The following TXNDC16 variants were observed in gnomAD, a reference collection of about 807,000 sequenced individuals.
TXNDC16 encodes the protein thioredoxin domain-containing protein 16.
TXNDC16 carries 74 observed loss-of-function variants against 85.6 expected under a neutral mutation model. The ratio of observed to expected loss-of-function variants is 0.86; its 90% CI spans 0.72 to 1.05. The LOEUF (loss-of-function observed/expected upper bound fraction) is 1.05, where lower values mean the gene tolerates loss of function less well. TXNDC16 is among the 50% of genes least tolerant of loss of function. The pLI is 0.00. For synonymous variants in TXNDC16, 335 were observed against 326.5 expected (o/e 1.03, Z -0.28); for missense variants, 959 against 947.0 (o/e 1.01, Z -0.17).
intron 12 of TXNDC16, among the ~76,000 whole-genome samples, chr14:52,485,156 AAG>A (rs1175073745): frequency 6.6e-6 from 1 of 152,186 alleles, no homozygotes; most frequent in Non-Finnish European, 1.5e-5. Context: ...GTGGAAGTGG[AAG>A]AGAGTAATAT....
chr14:52,536,465 T>C (rs1031996039), intron 6 of TXNDC16, among the ~76,000 whole-genome samples: 1 of 152,230 alleles, frequency 6.6e-6, no homozygotes, highest in Non-Finnish European at 1.5e-5. Flanking sequence ...CTCCTCCAGT[T>C]AGACCTCACT....
At chr14:52,436,932 T>TA (rs2035042538) in intron 20 of TXNDC16, among the ~76,000 whole-genome samples, 1 of 152,194 alleles carries the variant, frequency 6.6e-6, no homozygotes, top group East Asian at 1.9e-4. Context: ...GACCATCTAG[T>TA]ATCTAATAAA....
intron 11 of TXNDC16, among the ~76,000 whole-genome samples, chr14:52,489,674 A>T (rs867673017): frequency 3.9e-5 from 6 of 152,190 alleles, no homozygotes; most frequent in African/African-American, 1.4e-4. Context: ...AGTTTGATGG[A>T]TTTTTACAAA....
chr14:52,477,083 T>G (rs1252867284), intron 14 of TXNDC16, among the ~76,000 whole-genome samples: 1 of 152,158 alleles, frequency 6.6e-6, no homozygotes, highest in African/African-American at 2.4e-5. Flanking sequence ...CTAAGCTTCC[T>G]AAGTGGAGGA....
At chr14:52,542,911 G>C (rs1338441231) in intron 3 of TXNDC16, among the ~76,000 whole-genome samples, 2 of 151,992 alleles carry the variant, frequency 1.3e-5, no homozygotes, top group Non-Finnish European at 2.9e-5. Flanking sequence ...ACTTGAATTT[G>C]ACTATTAAAA....
intron 9 of TXNDC16, among the ~76,000 whole-genome samples, chr14:52,509,161 A>C (rs2036892611): frequency 6.6e-6 from 1 of 152,074 alleles, no homozygotes; most frequent in Non-Finnish European, 1.5e-5. Flanking sequence ...AAGAGTTTTG[A>C]AATACAGCAA....
At chr14:52,535,216 CTTGGACTT>C (rs1444221157) in intron 6 of TXNDC16, among the ~76,000 whole-genome samples, 1 of 152,108 alleles carries the variant, frequency 6.6e-6, no homozygotes, top group East Asian at 1.9e-4. Flanking sequence ...ATATCTATTA[CTTGGACTT>C]TTTGCTAAGC....
chr14:52,472,752 G>C (rs971314113), intron 14 of TXNDC16, among the ~76,000 whole-genome samples: 1 of 152,058 alleles, frequency 6.6e-6, no homozygotes, highest in Non-Finnish European at 1.5e-5. Context: ...TTTGATATAG[G>C]AGTGAAGAAG....
intron 18 of TXNDC16, among the ~76,000 whole-genome samples, chr14:52,443,740 A>G (rs965423382): frequency 2.0e-5 from 3 of 152,204 alleles, no homozygotes; most frequent in African/African-American, 4.8e-5. Flanking sequence ...TCTGTATCAG[A>G]TTGGTGACAC....
chr14:52,508,983 C>A lies in TXNDC16; in HGVS notation c.756+2257G>T, dbSNP rs974116824. On this transcript the variant is annotated intron_variant, in intron 9 of 20. Coordinates refer to ENST00000281741, the MANE Select transcript of TXNDC16 (RefSeq NM_020784.3). ...TGACGAGTTAATGGGTGCAGCACAC[C>A]AACATGGCACATGTATATATATGTA... Among the ~76,000 whole-genome samples the A allele has an allele frequency of 3.3e-3, 507 of 151,826 alleles. 2 individuals are homozygous for A. Among genetic ancestry groups the A allele is most frequent in the African/African-American group, 0.012 (491 of 41,314 alleles).
chr14:52,440,729 C>G lies in TXNDC16; in HGVS notation c.1843-5G>C. On this transcript the variant is annotated splice_region_variant and splice_polypyrimidine_tract_variant and intron_variant, in intron 18 of 20. Coordinates refer to ENST00000281741, the MANE Select transcript of TXNDC16 (RefSeq NM_020784.3). ...ATTTTCCACAGTGATTTCCGGCTGT[C>G]AAAGAAAAGGAATAACAACAATAAA... The G allele has an allele frequency of 6.2e-7, 1 of 1,601,630 alleles. No homozygotes were observed. Among genetic ancestry groups the G allele is most frequent in the Non-Finnish European group, 8.5e-7 (1 of 1,176,342 alleles).
At chr14:52,488,845 A>C (rs1002534655) in intron 11 of TXNDC16, among the ~76,000 whole-genome samples, 14 of 148,272 alleles carry the variant, frequency 9.4e-5, no homozygotes, top group Admixed American at 8.8e-4. Context: ...AAAAAAAAAA[A>C]AAAACAAGTT....
chr14:52,507,402 G>A (rs9743510), intron 9 of TXNDC16, among the ~76,000 whole-genome samples: 77,026 of 150,908 alleles, frequency 0.51, 20,639 homozygotes, highest in East Asian at 0.7. Flanking sequence ...CCACTGCTCA[G>A]TGAAATAAAA....
rs141268117 is a variant in TXNDC16 at position 52,514,929 on chromosome 14, T to A, written c.556A>T (p.Thr186Ser). The change falls in exon 8 of 21, where the codon ACA (threonine) becomes TCA (serine). Residue 186 changes from threonine to serine, a missense_variant. By Grantham distance (58) the Thr-to-Ser change is moderately conservative. Transcript: ENST00000281741. ...VMEAAFVYGTTYQFVLTTEIA... is the reference protein window; with the variant it reads ...VMEAAFVYGTSYQFVLTTEIA... The stretch of plus-strand genomic sequence containing the variant: ...TCTGTGGTTAAGACAAATTGGTATG[T>A]AGTCCCATACACAAAAGCGGCTTCC... 1.9e-6 allele frequency: 3 copies of A among 1,613,038 alleles called. No homozygotes were observed. The highest frequency in any genetic ancestry group is 1.7e-4 in the Middle Eastern group (1 of 6,050).
chr14:52,434,802 G>C (rs1167434336), intron 20 of TXNDC16, among the ~76,000 whole-genome samples: 2 of 152,166 alleles, frequency 1.3e-5, no homozygotes, highest in Admixed American at 1.3e-4. Context: ...CACAGAGACT[G>C]TTCAGTTTTC....
At chr14:52,525,138 T>C (rs1780606139) in intron 6 of TXNDC16, among the ~76,000 whole-genome samples, 1 of 151,886 alleles carries the variant, frequency 6.6e-6, no homozygotes, top group South Asian at 2.1e-4. Context: ...TGGCCTTTCA[T>C]TGCAACTGCT....
intron 18 of TXNDC16, among the ~76,000 whole-genome samples, chr14:52,450,908 T>G (rs1274069465): frequency 2.6e-5 from 4 of 151,118 alleles, no homozygotes; most frequent in Non-Finnish European, 4.4e-5. Flanking sequence ...CATATATATA[T>G]GTATACATAC....
intron 10 of TXNDC16, 99 bp downstream of exon 10, chr14:52,490,740 G>A (rs2036380869): frequency 7.7e-7 from 1 of 1,297,708 alleles, no homozygotes; most frequent in Admixed American, 2.5e-5. Flanking sequence ...ATCTATTAGA[G>A]ATTTGAGTTT....
intron 6 of TXNDC16, among the ~76,000 whole-genome samples, chr14:52,536,195 G>T (rs989929801): frequency 2.0e-5 from 3 of 152,150 alleles, no homozygotes; most frequent in Non-Finnish European, 4.4e-5. Context: ...CCTAATAAAA[G>T]AGACCCTGAG....
Sources: allele counts gnomAD v4.1 joint callset (sites outside exome capture counted in the v4.1 genomes callset), GRCh38; gene constraint gnomAD v4.1.1; transcripts MANE v1.5; gene names NCBI Gene and HGNC (gene_info 2026-07-23, HGNC 2026-07-21).